KLHL5: variants seen among roughly 807,000 people sequenced by gnomAD.
KLHL5 encodes the protein kelch like family member 5.
Under a neutral mutation model 77.7 loss-of-function variants are expected in KLHL5, and 48 were observed. The observed-to-expected ratio is 0.62, with a 90% CI of 0.49 to 0.79. KLHL5 has a LOEUF of 0.79. KLHL5 is among the 30% of genes least tolerant of loss of function. KLHL5 has a pLI of 0.00. For synonymous variants in KLHL5, 260 were observed against 297.0 expected (o/e 0.88, Z 1.28); for missense variants, 723 against 859.7 (o/e 0.84, Z 1.99).
chr4:39,050,402 C>CATA (rs1197071873), intron 1 of KLHL5, among the ~76,000 whole-genome samples: 1 of 152,208 alleles, frequency 6.6e-6, no homozygotes, highest in Admixed American at 6.5e-5. Context: ...AAGCAACTGG[C>CATA]ACCAATAACA....
chr4:39,126,357 C>T (rs189037682), downstream of KLHL5, among the ~76,000 whole-genome samples: 64 of 152,238 alleles, frequency 4.2e-4, 1 homozygote, highest in African/African-American at 1.4e-3. Flanking sequence ...CTTATATGAA[C>T]GCACCACCTC....
rs1342041674 is a variant in KLHL5 at position 39,081,497 on chromosome 4, G to A, written c.703+258G>A. Among the ~76,000 whole-genome samples, 1 of 151,916 alleles carries A rather than the reference G, an allele frequency of 6.6e-6. No homozygotes were observed. The highest frequency in any genetic ancestry group is 1.5e-5 in the Non-Finnish European group (1 of 67,960). ...ATGAATTACATAGTGTCAAATTTTT[G>A]CATTTAAAATTTGAGAGTTGGCCAG... is the stretch of plus-strand genomic sequence containing the variant. On this transcript the variant is annotated intron_variant, in intron 3 of 10. Transcript: ENST00000504108. This position sits in a 1 kb window ranked among gnomAD's most constrained non-coding sequence, Gnocchi z 4.3.
intron 10 of KLHL5, among the ~76,000 whole-genome samples, chr4:39,119,322 C>A (rs1050635316): frequency 1.3e-5 from 2 of 152,144 alleles, no homozygotes. Context: ...CATGGTGGCT[C>A]ACCCCTGTAA....
At chr4:39,067,742 G>A (rs1361638596) in intron 1 of KLHL5, among the ~76,000 whole-genome samples, 1 of 151,574 alleles carries the variant, frequency 6.6e-6, no homozygotes, top group Non-Finnish European at 1.5e-5. Flanking sequence ...ATGCAGTGGC[G>A]GGATCTTGGG....
At chr4:39,105,865 T>G (rs946069273) in intron 7 of KLHL5, among the ~76,000 whole-genome samples, 8 of 152,110 alleles carry the variant, frequency 5.3e-5, no homozygotes, top group African/African-American at 1.9e-4. Flanking sequence ...GAATGATGAG[T>G]ATTTTTCTTA....
chr4:39,044,914 G>A, upstream of KLHL5: 1 of 983,922 alleles, frequency 1.0e-6, no homozygotes, highest in Non-Finnish European at 1.2e-6. Flanking sequence ...GCCTGACGGA[G>A]CGGGAGTGGC....
rs543220542 is a variant in KLHL5 at position 39,125,047 on chromosome 4, C to T, written c.*3981C>T. On this transcript the variant is annotated 3_prime_UTR_variant, in exon 11 of 11. Transcript: ENST00000504108. Reference sequence around the variant, plus strand: ...TCTCTAATGAAGATATACAAATGGCCGACAAGCACATGGAAAGCACTCAAC... The same window carrying T: ...TCTCTAATGAAGATATACAAATGGCTGACAAGCACATGGAAAGCACTCAAC... Among the ~76,000 whole-genome samples, 5 of 152,054 alleles carry T rather than the reference C, an allele frequency of 3.3e-5. No homozygotes were observed. The highest frequency in any genetic ancestry group is 4.1e-4 in the South Asian group (2 of 4,828).
chr4:39,048,700 A>G (rs972596328), intron 1 of KLHL5, among the ~76,000 whole-genome samples: 10 of 124,342 alleles, frequency 8.0e-5, no homozygotes, highest in African/African-American at 1.9e-4. Context: ...CTGGAGTTCA[A>G]TGGCATGATC....
Position 39,062,519 on chromosome 4 carries a change from A to G in KLHL5, c.-134A>G. ...AAAGTAATTGTAGATATATATATGA[A>G]TGTGATTTATTTTCCTTTACATATT... On this transcript the variant is annotated 5_prime_UTR_variant, in exon 1 of 11. It removes an upstream start codon present in the reference 5' UTR. Coordinates refer to ENST00000504108, the MANE Select transcript of KLHL5 (RefSeq NM_015990.5). 6.2e-7 allele frequency: 1 copy of G among 1,605,178 alleles called. No homozygotes were observed. Among genetic ancestry groups the G allele is most frequent in the Non-Finnish European group, 8.5e-7 (1 of 1,172,760 alleles).
At position 39,082,098 on chromosome 4, in the gene KLHL5, G is replaced by A. The variant is rs749997338; in HGVS notation, c.839G>A (p.Arg280His). The change falls in exon 4 of 11, where the codon CGT becomes CAT. Residue 280 changes from arginine (R) to histidine (H), a missense_variant. Arg to His is a conservative substitution (Grantham distance 29). This residue lies in a region of KLHL5 where 288 missense variants were observed against 400.3 expected (regional missense o/e 0.72). Coordinates refer to ENST00000504108, the MANE Select transcript of KLHL5 (RefSeq NM_015990.5). ...CATCCATCCAACTGTCTTGGAATTC[G>A]TTCTTTTGCTGATGCCCAAGGTTGT... ...QLHPSNCLGI[R>H]SFADAQGCTD... is the part of the protein sequence containing the mutation. 1.4e-5 allele frequency: 22 copies of A among 1,613,854 alleles called. No individual in the cohort carries two copies. In the Middle Eastern group the frequency reaches 5.0e-4, roughly 36 times the overall value.
chr4:39,115,489 T>C lies in KLHL5; in HGVS notation c.2073+159T>C, dbSNP rs1722772602. 3 of 1,494,502 alleles carry C rather than the reference T, an allele frequency of 2.0e-6. No homozygotes were observed. The South Asian group carries it at 3.9e-5, about 19-fold the overall frequency. The allele number at this position is 1,494,502 out of a possible 1,614,324, so 92.6% of individuals were successfully genotyped here. A position where few individuals can be genotyped will look rare whatever the true frequency, so the allele number is the denominator to read the frequency against. On this transcript the variant is annotated intron_variant, in intron 10 of 10. Coordinates refer to ENST00000504108, the MANE Select transcript of KLHL5 (RefSeq NM_015990.5). ...GATGAGAAAAAGAGGCAATGTTTAATTTTATAACATAATTAAAATCCAGAA... is the reference window on the plus strand; with the variant it reads ...GATGAGAAAAAGAGGCAATGTTTAACTTTATAACATAATTAAAATCCAGAA...
At chr4:39,109,145 G>A (rs922214294) in intron 8 of KLHL5, among the ~76,000 whole-genome samples, 1 of 152,222 alleles carries the variant, frequency 6.6e-6, no homozygotes, top group Admixed American at 6.5e-5. Context: ...TAAGTAGAAA[G>A]TATGCGGTTG....
intron 6 of KLHL5, among the ~76,000 whole-genome samples, chr4:39,101,859 A>AATATATATAT (rs1553892986): frequency 1.9e-5 from 2 of 104,772 alleles, no homozygotes; most frequent in South Asian, 3.0e-4. Flanking sequence ...AAAAAAAAAA[A>AATATATATAT]ATATATATAT....
chr4:39,140,120 G>C, the KLHL5 span, among the ~76,000 whole-genome samples: 1 of 145,504 alleles, frequency 6.9e-6, no homozygotes, highest in South Asian at 2.1e-4. Context: ...CCAGCTACTT[G>C]GGGGGGGCTG....
intron 1 of KLHL5, among the ~76,000 whole-genome samples, chr4:39,072,788 C>T (rs1718609783): frequency 6.6e-6 from 1 of 152,046 alleles, no homozygotes; most frequent in African/African-American, 2.4e-5. Flanking sequence ...GAGGTGCTTA[C>T]CAGAGGCTGA....
intron 1 of KLHL5, among the ~76,000 whole-genome samples, chr4:39,064,275 AT>A (rs11289711): frequency 0.46 from 69,529 of 151,670 alleles, 16,838 homozygotes; most frequent in Middle Eastern, 0.56. Flanking sequence ...TTTAATTTAA[AT>A]TTTTTTTAAT....
At chr4:39,119,341 C>G (rs1025207317) in intron 10 of KLHL5, among the ~76,000 whole-genome samples, 1 of 152,184 alleles carries the variant, frequency 6.6e-6, no homozygotes, top group Non-Finnish European at 1.5e-5. Context: ...AATCCCGGCA[C>G]TTTGGGAGGC....
intron 4 of KLHL5, among the ~76,000 whole-genome samples, chr4:39,085,131 A>C (rs961320781): frequency 2.6e-5 from 4 of 152,178 alleles, no homozygotes; most frequent in Admixed American, 6.5e-5. Flanking sequence ...AATTCAATAG[A>C]ACCTTTTGCT....
chr4:39,067,784 G>T (rs561708790), intron 1 of KLHL5, among the ~76,000 whole-genome samples: 2 of 151,730 alleles, frequency 1.3e-5, no homozygotes, highest in South Asian at 2.1e-4. Context: ...GGGTTCAAGC[G>T]ATTCTCCTGC....
Sources: gnomAD v4.1 joint callset for allele counts (sites outside exome capture counted in the v4.1 genomes callset) on GRCh38, gnomAD v4.1.1 for gene constraint, gnomAD v4.1.1 regional missense constraint, Gnocchi (gnomAD v3.1) non-coding constraint, MANE v1.5 for transcripts, NCBI Gene and HGNC (gene_info 2026-07-23, HGNC 2026-07-21) for gene names.